The following BDNF variants were observed in gnomAD, a reference collection of about 807,000 sequenced individuals.
BDNF encodes brain derived neurotrophic factor.
A neutral mutation model predicts 19.5 loss-of-function variants in BDNF; 1 was observed. The ratio of observed to expected loss-of-function variants is 0.05; its 90% confidence interval spans 0.02 to 0.24. BDNF has a LOEUF of 0.24. Among genes scored for constraint, BDNF ranks in the 10% least tolerant of loss-of-function variants. BDNF has a pLI of 1.00. For synonymous variants in BDNF, 100 were observed against 121.6 expected (o/e 0.82, Z 1.17); for missense variants, 195 against 317.6 (o/e 0.61, Z 2.93).
At chr11:27,700,644 G>T, upstream of BDNF, 1 of 997,308 alleles carries the variant, frequency 1.0e-6, no homozygotes, top group South Asian at 4.3e-5. Context: ...GGGGCGCCCG[G>T]AACTCCCCGC....
At chr11:27,704,316 T>G (rs959728894), upstream of BDNF, among the ~76,000 whole-genome samples, 1 of 152,192 alleles carries the variant, frequency 6.6e-6, no homozygotes, top group African/African-American at 2.4e-5. Context: ...TAACCCAATG[T>G]TCCAGGGGGA....
intron 1 of BDNF, among the ~76,000 whole-genome samples, chr11:27,668,525 A>C (rs1366572397): frequency 6.6e-6 from 1 of 152,110 alleles, no homozygotes; most frequent in Non-Finnish European, 1.5e-5. Context: ...AAGACTAATA[A>C]AGAAGAAAAG....
intron 1 of BDNF, among the ~76,000 whole-genome samples, chr11:27,707,626 C>G (rs1860161845): frequency 6.6e-6 from 1 of 152,104 alleles, no homozygotes; most frequent in African/African-American, 2.4e-5. Context: ...ATAGGAAAGG[C>G]TGATGCTGAT....
chr11:27,701,730 A>G, upstream of BDNF: 2 of 541,904 alleles, frequency 3.7e-6, no homozygotes, highest in Non-Finnish European at 4.7e-6. Flanking sequence ...GAATTACCAG[A>G]ATCAAAATTC....
chr11:27,705,975 G>C (rs1202653396), intron 1 of BDNF, among the ~76,000 whole-genome samples: 1 of 152,178 alleles, frequency 6.6e-6, no homozygotes, highest in Admixed American at 6.5e-5. Context: ...AATTTGTTAA[G>C]TCTAGGAAGT....
At chr11:27,673,188 G>A (rs550852551) in intron 1 of BDNF, among the ~76,000 whole-genome samples, 1 of 148,910 alleles carries the variant, frequency 6.7e-6, no homozygotes, top group South Asian at 2.1e-4. Flanking sequence ...GAGATGTTGT[G>A]AAAGCCAGGT....
intron 1 of BDNF, among the ~76,000 whole-genome samples, chr11:27,690,365 T>C (rs1169203471): frequency 6.6e-6 from 1 of 152,110 alleles, no homozygotes; most frequent in Admixed American, 6.6e-5. Flanking sequence ...AACATGGCTG[T>C]AGGTTTGGTA....
At chr11:27,671,480 TAC>T (rs1251244347) in intron 1 of BDNF, among the ~76,000 whole-genome samples, 3 of 152,146 alleles carry the variant, frequency 2.0e-5, no homozygotes, top group African/African-American at 7.2e-5. Flanking sequence ...TGTATTTAAA[TAC>T]ACAGACTTTT....
intron 1 of BDNF, among the ~76,000 whole-genome samples, chr11:27,679,178 A>T (rs764071628): frequency 1.3e-5 from 2 of 152,112 alleles, no homozygotes; most frequent in Non-Finnish European, 2.9e-5. Flanking sequence ...GAAACAAGGG[A>T]CCTTGACTTT....
intron 1 of BDNF, among the ~76,000 whole-genome samples, chr11:27,706,400 C>G (rs1006892652): frequency 2.0e-5 from 3 of 152,140 alleles, no homozygotes; most frequent in African/African-American, 4.8e-5. Flanking sequence ...TATCTAGAAT[C>G]CAGCAATGCT....
intron 1 of BDNF, chr11:27,698,254 A>AAAAAAAAAAAAAT (rs1859401658): frequency 7.2e-6 from 1 of 139,158 alleles, no homozygotes; most frequent in Non-Finnish European, 1.6e-5. Flanking sequence ...AAAAAAAAAA[A>AAAAAAAAAAAAAT]AAGTCTTAAG....
At chr11:27,703,726 T>G (rs1355970305), upstream of BDNF, among the ~76,000 whole-genome samples, 1 of 152,202 alleles carries the variant, frequency 6.6e-6, no homozygotes, top group Non-Finnish European at 1.5e-5. Context: ...GTCAGAAATG[T>G]CAGGGATATT....
At chr11:27,669,830 A>G (rs1163290938) in intron 1 of BDNF, among the ~76,000 whole-genome samples, 4 of 151,940 alleles carry the variant, frequency 2.6e-5, no homozygotes, top group Non-Finnish European at 5.9e-5. Context: ...TGGCCATACT[A>G]CCCAAGGTAA....
intron 1 of BDNF, among the ~76,000 whole-genome samples, chr11:27,714,213 TGA>T (rs1250736851): frequency 6.6e-6 from 1 of 152,172 alleles, no homozygotes; most frequent in Non-Finnish European, 1.5e-5. Context: ...TCCACCAGGC[TGA>T]GTTAGTTAAG....
intron 1 of BDNF, among the ~76,000 whole-genome samples, chr11:27,673,115 C>A (rs984926385): frequency 3.3e-5 from 5 of 152,070 alleles, no homozygotes. Context: ...TTTAAAAGTA[C>A]AGTGTAAACA....
chr11:27,717,097 C>A (rs938750286), intron 1 of BDNF, among the ~76,000 whole-genome samples: 2 of 152,188 alleles, frequency 1.3e-5, no homozygotes, highest in Non-Finnish European at 2.9e-5. Context: ...TCACCAGCTT[C>A]TCTTCTTATT....
rs1458426094 is a variant in BDNF at position 27,658,589 on chromosome 11, T to C, written c.-21-4A>G. On this transcript the variant is annotated splice_region_variant and splice_polypyrimidine_tract_variant and intron_variant, in intron 1 of 1. Coordinates refer to ENST00000356660, the MANE Select transcript of BDNF (RefSeq NM_001709.5). The surrounding 1 kb of genome is among the most constrained non-coding windows in gnomAD (Gnocchi z 5.7). ...TCACTCTTCTCACCTGGTGGAACTG[T>C]AGGGAGAAAGCAGAAACAAGACAGA... 3 of 1,614,182 alleles carry C rather than the reference T, an allele frequency of 1.9e-6. No individual in the cohort carries two copies. Among genetic ancestry groups the C allele is most frequent in the Non-Finnish European group, 2.5e-6 (3 of 1,180,020 alleles).
At chr11:27,662,309 G>A (rs1853590775) in intron 1 of BDNF, among the ~76,000 whole-genome samples, 1 of 152,148 alleles carries the variant, frequency 6.6e-6, no homozygotes, top group Non-Finnish European at 1.5e-5. Context: ...TCATGTCTGA[G>A]CCCCCATAAT....
chr11:27,661,997 C>CTTGTT lies in BDNF; in HGVS notation c.-21-3417_-21-3413dup, dbSNP rs78500263. On this transcript the variant is annotated intron_variant, in intron 1 of 1. Transcript: ENST00000356660. ...TACGTAGTACTTGATTCCCTTCTCA[C>CTTGTT]TTGTTTTGTTTTGTTTTTTTCCCAA... is the stretch of plus-strand genomic sequence containing the variant. Among the ~76,000 whole-genome samples the CTTGTT allele has an allele frequency of 5.9e-5, 9 of 151,484 alleles. No homozygotes were observed. In the East Asian group the frequency reaches 1.8e-3, roughly 30 times the overall value.
Sources: gnomAD v4.1 joint callset for allele counts (sites outside exome capture counted in the v4.1 genomes callset) on GRCh38, gnomAD v4.1.1 for gene constraint, Gnocchi (gnomAD v3.1) non-coding constraint, MANE v1.5 for transcripts, NCBI Gene and HGNC (gene_info 2026-07-23, HGNC 2026-07-21) for gene names.